The following TTC28 variants were observed in gnomAD, a reference collection of about 807,000 sequenced individuals.
The protein encoded by TTC28 is tetratricopeptide repeat domain 28.
TTC28 carries 61 observed loss-of-function variants against 198.0 expected under a neutral mutation model. That is an observed-to-expected ratio of 0.31 (90% CI 0.25 to 0.38). The LOEUF (loss-of-function observed/expected upper bound fraction) is 0.38. Ranked by LOEUF, TTC28 falls within the 10% of genes least tolerant of loss-of-function variation. The pLI is 1.00. For synonymous variants in TTC28, 1,171 were observed against 1,297.8 expected, an observed-to-expected ratio of 0.90 and a Z score of 2.10; for missense variants, 2,678 against 3,164.0, an observed-to-expected ratio of 0.85 and a Z score of 3.69.
intron 2 of TTC28, among the ~76,000 whole-genome samples, chr22:28,617,100 T>A (rs1253741685): frequency 6.6e-6 from 1 of 152,148 alleles, no homozygotes; most frequent in Non-Finnish European, 1.5e-5. Context: ...CACACTAAAG[T>A]AATAATAACT....
At chr22:28,133,481 C>T (rs921026291) in intron 6 of TTC28, among the ~76,000 whole-genome samples, 7 of 152,152 alleles carry the variant, frequency 4.6e-5, no homozygotes, top group African/African-American at 1.2e-4. Flanking sequence ...CTGAGACAGA[C>T]GGCACCTGGA....
At chr22:28,377,434 ATT>A (rs960091330) in intron 2 of TTC28, among the ~76,000 whole-genome samples, 3 of 151,766 alleles carry the variant, frequency 2.0e-5, no homozygotes, top group African/African-American at 7.3e-5. Flanking sequence ...ACTTTATAGA[ATT>A]TGTGTCTGAA....
rs187082460 is a variant in TTC28, at chr22:28,040,252, C to T, written c.3933-9886G>A. On this transcript the variant is annotated intron_variant, in intron 12 of 22. Transcript: ENST00000397906. Reference sequence around the variant, plus strand: ...ACTCATTTTATGAGGCTAGCATCATCCTGATACCAAAGCCTGGCAGAGACA... The same window carrying T: ...ACTCATTTTATGAGGCTAGCATCATTCTGATACCAAAGCCTGGCAGAGACA... 3.8e-3 allele frequency among the ~76,000 whole-genome samples: 570 copies of T among 151,694 alleles called. 5 individuals are homozygous for T. Among genetic ancestry groups the T allele is most frequent in the African/African-American group, 0.013 (536 of 41,508 alleles).
chr22:28,397,982 G>A (rs2046843188), intron 2 of TTC28, among the ~76,000 whole-genome samples: 1 of 152,174 alleles, frequency 6.6e-6, no homozygotes, highest in Non-Finnish European at 1.5e-5. Flanking sequence ...AATCAGGTCT[G>A]AACATTTTAT....
chr22:28,259,685 A>T (rs145305079), intron 5 of TTC28, among the ~76,000 whole-genome samples: 19 of 152,178 alleles, frequency 1.2e-4, no homozygotes, highest in Admixed American at 9.2e-4. Flanking sequence ...TATTTTTTTT[A>T]AAAAGAATTG....
intron 2 of TTC28, among the ~76,000 whole-genome samples, chr22:28,315,090 T>C (rs1357653832): frequency 6.6e-6 from 1 of 152,114 alleles, no homozygotes; most frequent in Non-Finnish European, 1.5e-5. Flanking sequence ...ACAAGTTAGA[T>C]CAGATAAACA....
intron 5 of TTC28, among the ~76,000 whole-genome samples, chr22:28,200,065 A>C (rs1925791049): frequency 6.6e-6 from 1 of 152,136 alleles, no homozygotes; most frequent in African/African-American, 2.4e-5. Context: ...AATTAAAAAG[A>C]AATAAAACTT....
rs543021453 is a variant in TTC28, at chr22:28,134,772, C to G, written c.1442-26369G>C. On this transcript the variant is annotated intron_variant, in intron 6 of 22. Coordinates refer to ENST00000397906, the MANE Select transcript of TTC28 (RefSeq NM_001145418.2). Reference sequence around the variant, plus strand: ...GAATGGAACCAAGTTGGAAAACACTCTGCAGGATATTATCCAGGAGAACTG... The same window carrying G: ...GAATGGAACCAAGTTGGAAAACACTGTGCAGGATATTATCCAGGAGAACTG... Among the ~76,000 whole-genome samples the G allele has an allele frequency of 1.8e-4, 27 of 152,016 alleles. 1 individual carries two copies. The highest frequency in any genetic ancestry group is 6.3e-4 in the African/African-American group (26 of 41,286).
intron 5 of TTC28, among the ~76,000 whole-genome samples, chr22:28,187,361 C>T (rs184133406): frequency 2.0e-4 from 31 of 152,282 alleles, no homozygotes; most frequent in African/African-American, 7.2e-4. Flanking sequence ...AACACAGAAT[C>T]TTTATTTGCA....
chr22:28,661,398 A>G (rs926567498), intron 1 of TTC28, among the ~76,000 whole-genome samples: 2 of 152,316 alleles, frequency 1.3e-5, no homozygotes. Flanking sequence ...GTATTAGTTT[A>G]ATAACAGCTT....
intron 2 of TTC28, among the ~76,000 whole-genome samples, chr22:28,482,108 T>C (rs1454228976): frequency 6.6e-6 from 1 of 151,396 alleles, no homozygotes; most frequent in East Asian, 1.9e-4. Flanking sequence ...ATTTTTCTTC[T>C]CCCATATGAA....
At chr22:28,524,661 A>G (rs1006727471) in intron 2 of TTC28, among the ~76,000 whole-genome samples, 2 of 152,250 alleles carry the variant, frequency 1.3e-5, no homozygotes, top group Admixed American at 1.3e-4. Context: ...TCAAACAAAT[A>G]TATGCAAAAT....
chr22:28,390,986 T>C (rs1284683138), intron 2 of TTC28, among the ~76,000 whole-genome samples: 1 of 152,244 alleles, frequency 6.6e-6, no homozygotes, highest in Non-Finnish European at 1.5e-5. Context: ...GTATCAGTTG[T>C]TCCTTTCCAT....
At chr22:28,459,294 G>A (rs2047912701) in intron 2 of TTC28, among the ~76,000 whole-genome samples, 2 of 152,098 alleles carry the variant, frequency 1.3e-5, no homozygotes, top group African/African-American at 4.8e-5. Context: ...ACCCAGGCAT[G>A]GTGGTGCACA....
chr22:27,992,494 C>A, intron 19 of TTC28, 93 bp downstream of exon 19: 1 of 1,288,674 alleles, frequency 7.8e-7, no homozygotes, highest in South Asian at 1.4e-5. Context: ...AGACTGCATT[C>A]ACTTACAGGT....
intron 2 of TTC28, among the ~76,000 whole-genome samples, chr22:28,626,990 A>G (rs1273922581): frequency 6.6e-6 from 1 of 152,168 alleles, no homozygotes; most frequent in Admixed American, 6.5e-5. Flanking sequence ...ATAAAAGTTT[A>G]AAGGCGTTCA....
At chr22:28,384,867 G>A (rs1382571255) in intron 2 of TTC28, among the ~76,000 whole-genome samples, 4 of 152,164 alleles carry the variant, frequency 2.6e-5, no homozygotes, top group South Asian at 2.1e-4. Context: ...GTGGCTGGGC[G>A]TGGTGGCTCA....
chr22:27,983,178 G>T lies in TTC28; in HGVS notation c.6489C>A (p.Ala2163=), dbSNP rs1483249875. The change falls in exon 23 of 23, where the codon GCC becomes GCA. Residue 2163 remains alanine, a synonymous_variant. Coordinates refer to ENST00000397906, the MANE Select transcript of TTC28 (RefSeq NM_001145418.2). ...TCTGTGTCTCCTCCAGAATTTTCTG[G>T]GCTAACTCTTGTGGATCCAGTTTTG... ...SNPKLDPQEL[A]QKILEETQSH... 6.4e-7 allele frequency: 1 copy of T among 1,551,812 alleles called. No homozygotes were observed. Among genetic ancestry groups the T allele is most frequent in the Admixed American group, 2.0e-5 (1 of 51,002 alleles).
At chr22:28,180,830 T>A (rs1035288143) in intron 5 of TTC28, among the ~76,000 whole-genome samples, 2 of 152,224 alleles carry the variant, frequency 1.3e-5, no homozygotes, top group Non-Finnish European at 2.9e-5. Flanking sequence ...GGGAAATTTT[T>A]AATTACATGG....
Sources: gnomAD v4.1 joint callset for allele counts (sites outside exome capture counted in the v4.1 genomes callset) on GRCh38, gnomAD v4.1.1 for gene constraint, MANE v1.5 for transcripts, NCBI Gene and HGNC (gene_info 2026-07-23, HGNC 2026-07-21) for gene names.